PPM1L: variants seen among roughly 807,000 people sequenced by gnomAD.
The protein encoded by PPM1L is protein phosphatase 1L.
PPM1L carries 13 observed loss-of-function variants against 31.4 expected under a neutral mutation model. That is an observed-to-expected ratio of 0.41 (90% CI 0.27 to 0.66). PPM1L has a LOEUF of 0.66. Among genes scored for constraint, PPM1L ranks in the 30% least tolerant of loss-of-function variants. PPM1L has a pLI of 0.29. For missense variants in PPM1L, 326 were observed against 453.7 expected, an observed-to-expected ratio of 0.72 and a Z score of 2.56; for synonymous variants, 184 against 175.4, an observed-to-expected ratio of 1.05 and a Z score of -0.39.
chr3:160,777,989 G>A (rs1386102341), intron 1 of PPM1L, among the ~76,000 whole-genome samples: 1 of 152,100 alleles, frequency 6.6e-6, no homozygotes. Flanking sequence ...TGCCAACAGT[G>A]CACAAAGGTT....
intron 1 of PPM1L, among the ~76,000 whole-genome samples, chr3:160,867,980 A>C (rs1712154508): frequency 6.6e-6 from 1 of 152,190 alleles, no homozygotes. Context: ...AAAAAAACTT[A>C]AGTTGGTTTT....
chr3:160,833,593 T>C (rs1347459412), intron 1 of PPM1L, among the ~76,000 whole-genome samples: 2 of 152,202 alleles, frequency 1.3e-5, no homozygotes, highest in Non-Finnish European at 2.9e-5. Context: ...GAGAAATGTC[T>C]GTTCATGTCC....
chr3:160,855,147 G>C (rs925708288), intron 1 of PPM1L, among the ~76,000 whole-genome samples: 1 of 152,126 alleles, frequency 6.6e-6, no homozygotes, highest in African/African-American at 2.4e-5. Context: ...TTCAATAAAT[G>C]ATGCTGGGAT....
chr3:160,951,133 G>A (rs1050193547), intron 1 of PPM1L, among the ~76,000 whole-genome samples: 3 of 152,222 alleles, frequency 2.0e-5, no homozygotes, highest in African/African-American at 7.2e-5. Flanking sequence ...TAGCCAGATT[G>A]CTTTGGCTGA....
chr3:160,987,159 G>T (rs989047539), intron 2 of PPM1L, among the ~76,000 whole-genome samples: 2 of 152,144 alleles, frequency 1.3e-5, no homozygotes. Context: ...GTGTAGCAGT[G>T]GGCCACAGGA....
At chr3:160,946,675 G>A (rs1715421674) in intron 1 of PPM1L, among the ~76,000 whole-genome samples, 1 of 152,046 alleles carries the variant, frequency 6.6e-6, no homozygotes, top group Non-Finnish European at 1.5e-5. Flanking sequence ...ATCCACACAG[G>A]AAAATAACAA....
intron 2 of PPM1L, among the ~76,000 whole-genome samples, chr3:160,962,244 A>G (rs570321879): frequency 7.0e-6 from 1 of 142,016 alleles, no homozygotes; most frequent in African/African-American, 2.4e-5. Flanking sequence ...ATTCGATTCA[A>G]ATATTTGTGT....
chr3:160,874,540 G>A (rs1459039422), intron 1 of PPM1L, among the ~76,000 whole-genome samples: 1 of 152,144 alleles, frequency 6.6e-6, no homozygotes, highest in Non-Finnish European at 1.5e-5. Flanking sequence ...GCTAACTGTG[G>A]CAGGTTATAC....
At chr3:160,830,833 G>A (rs899877243) in intron 1 of PPM1L, among the ~76,000 whole-genome samples, 2 of 152,024 alleles carry the variant, frequency 1.3e-5, no homozygotes, top group East Asian at 1.9e-4. Flanking sequence ...TTCATACTTC[G>A]CATGAATAAG....
At chr3:160,914,183 A>G (rs1281069786) in intron 1 of PPM1L, among the ~76,000 whole-genome samples, 1 of 152,190 alleles carries the variant, frequency 6.6e-6, no homozygotes, top group African/African-American at 2.4e-5. Flanking sequence ...TTTGGTGACT[A>G]CTAATATGCT....
chr3:160,808,397 G>C (rs1350708999), intron 1 of PPM1L, among the ~76,000 whole-genome samples: 1 of 148,898 alleles, frequency 6.7e-6, no homozygotes, highest in Non-Finnish European at 1.5e-5. Context: ...GTGTGTGTGT[G>C]TGTGTGTGTG....
intron 1 of PPM1L, among the ~76,000 whole-genome samples, chr3:160,820,346 C>T (rs1713157790): frequency 6.6e-6 from 1 of 151,980 alleles, no homozygotes; most frequent in Non-Finnish European, 1.5e-5. Context: ...ATTTTTATTT[C>T]AGATTTAAAA....
chr3:160,816,315 AAG>A (rs1712994609), intron 1 of PPM1L, among the ~76,000 whole-genome samples: 1 of 150,844 alleles, frequency 6.6e-6, no homozygotes, highest in Non-Finnish European at 1.5e-5. Flanking sequence ...TCTCAGGTTA[AAG>A]CTTTAAATAT....
At chr3:161,011,523 C>CT (rs1717894525) in intron 2 of PPM1L, among the ~76,000 whole-genome samples, 2 of 151,454 alleles carry the variant, frequency 1.3e-5, no homozygotes, top group South Asian at 4.2e-4. Flanking sequence ...TCCATAGGAA[C>CT]TTTAAAGTAG....
At chr3:160,792,407 T>C (rs547694989) in intron 1 of PPM1L, among the ~76,000 whole-genome samples, 1 of 152,264 alleles carries the variant, frequency 6.6e-6, no homozygotes, top group Admixed American at 6.5e-5. Context: ...TTTTTTAAAA[T>C]AAGCTTTTAA....
At chr3:160,769,309 A>G (rs1384675349) in intron 1 of PPM1L, among the ~76,000 whole-genome samples, 2 of 152,252 alleles carry the variant, frequency 1.3e-5, no homozygotes, top group Non-Finnish European at 2.9e-5. Context: ...GCACGTTAGT[A>G]ACCTCATTGG....
chr3:160,991,089 A>AG (rs1213965372), intron 2 of PPM1L, among the ~76,000 whole-genome samples: 1 of 151,962 alleles, frequency 6.6e-6, no homozygotes, highest in Non-Finnish European at 1.5e-5. Flanking sequence ...TAAAAAAAAA[A>AG]AAAAGAAAAA....
At chr3:161,049,061 C>G (rs1719180236) in intron 2 of PPM1L, among the ~76,000 whole-genome samples, 1 of 146,846 alleles carries the variant, frequency 6.8e-6, no homozygotes, top group Non-Finnish European at 1.5e-5. Context: ...AACATGTACC[C>G]TAGAACTTAA....
rs556520363 is a variant in PPM1L, at chr3:160,944,043, G to T, written c.400-17693G>T. ...GCTTGTTGCAACCATAAATCTTCAC[G>T]TGGATCATCCTTGTTTATGGACTAT... On this transcript the variant is annotated intron_variant, in intron 1 of 3. Coordinates refer to ENST00000498165, the MANE Select transcript of PPM1L (RefSeq NM_139245.4). Among the ~76,000 whole-genome samples the T allele has an allele frequency of 8.3e-4, 126 of 152,116 alleles. 1 individual carries two copies. The highest frequency in any genetic ancestry group is 2.8e-3 in the African/African-American group (118 of 41,504).
Sources: gnomAD v4.1 joint callset for allele counts (sites outside exome capture counted in the v4.1 genomes callset) on GRCh38, gnomAD v4.1.1 for gene constraint, MANE v1.5 for transcripts, NCBI Gene and HGNC (gene_info 2026-07-23, HGNC 2026-07-21) for gene names.